Variants in MYO9B observed in about 807,000 individuals in gnomAD.
MYO9B encodes the protein unconventional myosin-IXb.
Under a neutral mutation model 229.5 loss-of-function variants are expected in MYO9B, and 71 were observed. That is an observed-to-expected ratio of 0.31 (90% CI 0.26 to 0.38). MYO9B has a LOEUF of 0.38. Among genes scored for constraint, MYO9B ranks in the 10% least tolerant of loss-of-function variants. The pLI, the probability that MYO9B is intolerant of heterozygous loss-of-function variation, is 1.00. For synonymous variants in MYO9B, 1,185 were observed against 1,235.8 expected, an observed-to-expected ratio of 0.96 and a Z score of 0.86; for missense variants, 2,255 against 2,920.5, an observed-to-expected ratio of 0.77 and a Z score of 5.25.
intron 1 of MYO9B, among the ~76,000 whole-genome samples, chr19:17,081,751 G>T (rs997433071): frequency 4.7e-5 from 7 of 149,280 alleles, no homozygotes; most frequent in Non-Finnish European, 1.0e-4. Flanking sequence ...AGAGGTTGCA[G>T]TGAGCCGTGA....
chr19:17,139,000 A>C (rs1419656833), intron 2 of MYO9B, among the ~76,000 whole-genome samples: 1 of 151,832 alleles, frequency 6.6e-6, no homozygotes, highest in Non-Finnish European at 1.5e-5. Context: ...CTCTGGTGAA[A>C]CCCTGTCTCT....
intron 13 of MYO9B, among the ~76,000 whole-genome samples, chr19:17,173,430 A>G (rs1201179029): frequency 6.6e-6 from 1 of 150,774 alleles, no homozygotes; most frequent in Non-Finnish European, 1.5e-5. Context: ...TCACCCTCCC[A>G]AGTAGCTGGG....
chr19:17,210,669 C>T (rs745644581), intron 37 of MYO9B, 46 bp from the exon 38 acceptor site: 24 of 1,492,340 alleles, frequency 1.6e-5, no homozygotes, highest in African/African-American at 2.8e-5. Flanking sequence ...GCAGTAACCT[C>T]GCCCACTCAG....
chr19:17,175,925 C>T (rs1415523267), intron 14 of MYO9B, among the ~76,000 whole-genome samples, 184 bp downstream of exon 14: 4 of 151,836 alleles, frequency 2.6e-5, no homozygotes, highest in East Asian at 3.9e-4. Context: ...TTCCACCTCC[C>T]GGGTTCAAGC....
At chr19:17,147,512 C>T (rs903532462) in intron 3 of MYO9B, among the ~76,000 whole-genome samples, 2 of 139,668 alleles carry the variant, frequency 1.4e-5, no homozygotes, top group Admixed American at 1.5e-4. Flanking sequence ...CCACTGCACT[C>T]CAGCCTGGGT....
chr19:17,166,132 TC>T (rs1159635833), intron 10 of MYO9B, among the ~76,000 whole-genome samples: 1 of 152,008 alleles, frequency 6.6e-6, no homozygotes, highest in Non-Finnish European at 1.5e-5. Flanking sequence ...AACCTCCACC[TC>T]CCAGGTTCTA....
intron 23 of MYO9B, 121 bp downstream of exon 23, chr19:17,197,979 A>G: frequency 7.1e-7 from 1 of 1,400,166 alleles, no homozygotes; most frequent in East Asian, 2.4e-5. Flanking sequence ...GCTTGAACGC[A>G]GTGGCAGGGT....
At chr19:17,124,540 G>A (rs1020507637) in intron 2 of MYO9B, among the ~76,000 whole-genome samples, 1 of 152,110 alleles carries the variant, frequency 6.6e-6, no homozygotes, top group Admixed American at 6.6e-5. Context: ...GGGAGGCCAA[G>A]GCGGGCAGAT....
intron 2 of MYO9B, among the ~76,000 whole-genome samples, chr19:17,109,188 CCTGAGTAGCTGG>C (rs1016098288): frequency 6.6e-6 from 1 of 151,860 alleles, no homozygotes; most frequent in Non-Finnish European, 1.5e-5. Flanking sequence ...GCCTCAGCCT[CCTGAGTAGCTGG>C]GACTACAGGT....
rs977529819 is a variant in MYO9B, at chr19:17,193,613, C to T, written c.3128+551C>T. Among the ~76,000 whole-genome samples the T allele has an allele frequency of 1.3e-5, 2 of 152,186 alleles. No individual in the cohort carries two copies. Among genetic ancestry groups the T allele is most frequent in the Non-Finnish European group, 2.9e-5 (2 of 68,022 alleles). On this transcript the variant is annotated intron_variant, in intron 21 of 39. Transcript: ENST00000682292. The surrounding 1 kb of genome is among the most constrained non-coding windows in gnomAD (Gnocchi z 4.3). ...GCCTCCTAGGCCAGGTGCAATGGCT[C>T]ATGCCTGTAATCCCAACACTTTGGG...
chr19:17,181,059 C>T lies in MYO9B; in HGVS notation c.2333+19C>T, dbSNP rs762890620. On this transcript the variant is annotated intron_variant, in intron 15 of 39. Transcript: ENST00000682292. ...TCATCCTGTGAGTCCCCCACCAAGG[C>T]CCTGCTTACAAGTGCGACAACCGCC... 1 of 1,561,786 alleles carries T rather than the reference C, an allele frequency of 6.4e-7. No homozygotes were observed. The highest frequency in any genetic ancestry group is 1.1e-5 in the South Asian group (1 of 87,898).
At position 17,213,019 on chromosome 19, in the gene MYO9B, TC is replaced by T. The variant is rs1234352249; in HGVS notation, c.*711del. On this transcript the variant is annotated 3_prime_UTR_variant, in exon 40 of 40. Coordinates refer to ENST00000682292, the MANE Select transcript of MYO9B (RefSeq NM_004145.4). The stretch of plus-strand genomic sequence containing the variant: ...GAGACTTGAATGTGGCTGTCACTCT[TC>T]CGGACGCCAAGGGCTGCAGGAGGCT... The T allele has an allele frequency of 6.6e-6, 1 of 152,372 alleles. No individual in the cohort carries two copies. The highest frequency in any genetic ancestry group is 2.4e-5 in the African/African-American group (1 of 41,464). 9.4% of individuals were successfully genotyped at this position (152,372 alleles called of 1,614,324 possible).
chr19:17,102,611 G>A (rs974820469), intron 2 of MYO9B, 54 bp downstream of exon 2: 26 of 1,483,166 alleles, frequency 1.8e-5, no homozygotes, highest in Admixed American at 4.5e-5. Context: ...TGGAAAATGC[G>A]GGTTTCAGGC....
At chr19:17,079,758 C>T (rs1212540323) in intron 1 of MYO9B, among the ~76,000 whole-genome samples, 1 of 152,184 alleles carries the variant, frequency 6.6e-6, no homozygotes, top group Non-Finnish European at 1.5e-5. Flanking sequence ...ACCCCACCCA[C>T]CAGCCCTTTG....
At chr19:17,096,552 A>T (rs1415005751) in intron 1 of MYO9B, among the ~76,000 whole-genome samples, 1 of 151,958 alleles carries the variant, frequency 6.6e-6, no homozygotes, top group Non-Finnish European at 1.5e-5. Flanking sequence ...TGAGCCCAGG[A>T]GGTCGAGGCT....
chr19:17,153,905 C>T (rs892822723), intron 4 of MYO9B, 62 bp from the exon 5 acceptor site: 36 of 1,228,454 alleles, frequency 2.9e-5, no homozygotes, highest in Admixed American at 1.9e-4. Context: ...AGTAGTGGTT[C>T]GCAGAGTAGC....
chr19:17,173,113 C>G, intron 13 of MYO9B, 150 bp downstream of exon 13: 2 of 1,014,760 alleles, frequency 2.0e-6, no homozygotes. Context: ...TCCTGTCACC[C>G]TGAACAGAAA....
At chr19:17,097,635 G>A (rs35237811) in intron 1 of MYO9B, among the ~76,000 whole-genome samples, 23,297 of 152,018 alleles carry the variant, frequency 0.15, 1,973 homozygotes, top group Non-Finnish European at 0.2. Context: ...CTTCCCTGTC[G>A]CCACTCCCTA....
At chr19:17,199,586 T>C (rs1236320936) in intron 24 of MYO9B, among the ~76,000 whole-genome samples, 1 of 151,774 alleles carries the variant, frequency 6.6e-6, no homozygotes, top group East Asian at 1.9e-4. Flanking sequence ...CAATCTCCGC[T>C]CACTGCAGCC....
Sources: gnomAD v4.1 joint callset for allele counts (sites outside exome capture counted in the v4.1 genomes callset) on GRCh38, gnomAD v4.1.1 for gene constraint, Gnocchi (gnomAD v3.1) non-coding constraint, MANE v1.5 for transcripts, NCBI Gene and HGNC (gene_info 2026-07-23, HGNC 2026-07-21) for gene names.